The following RBM6 variants were observed in gnomAD, a reference collection of about 807,000 sequenced individuals.
The protein encoded by RBM6 is RNA-binding protein 6.
A neutral mutation model predicts 140.4 loss-of-function variants in RBM6; 23 were observed. That is an observed-to-expected ratio of 0.16 (90% CI 0.12 to 0.23). The LOEUF is 0.23. Ranked by LOEUF, RBM6 falls within the 10% of genes least tolerant of loss-of-function variation. The pLI, the probability that RBM6 is intolerant of heterozygous loss-of-function variation, is 1.00. For missense variants in RBM6, 1,139 were observed against 1,386.7 expected (o/e 0.82, Z 2.84); for synonymous variants, 439 against 475.6 (o/e 0.92, Z 1.00).
At chr3:49,998,147 TTTATTG>T in intron 5 of RBM6, among the ~76,000 whole-genome samples, 1 of 152,190 alleles carries the variant, frequency 6.6e-6, no homozygotes, top group East Asian at 1.9e-4. Flanking sequence ...AAAATCAAAG[TTTATTG>T]TTATTAGTAA....
At chr3:50,066,213 G>T in intron 16 of RBM6, 29 bp from the exon 17 acceptor site, 1 of 1,576,208 alleles carries the variant, frequency 6.3e-7, no homozygotes, top group Non-Finnish European at 8.6e-7. Flanking sequence ...GGTTGAATTT[G>T]GTATTGATCC....
At chr3:49,960,710 C>T (rs1422540146) in intron 1 of RBM6, among the ~76,000 whole-genome samples, 1 of 152,110 alleles carries the variant, frequency 6.6e-6, no homozygotes, top group Non-Finnish European at 1.5e-5. Flanking sequence ...AAAGCAATGA[C>T]TGTGGTGAGG....
intron 2 of RBM6, chr3:49,962,900 A>AT (rs749211567): frequency 3.3e-5 from 13 of 393,132 alleles, no homozygotes; most frequent in African/African-American, 2.8e-4. Flanking sequence ...GATCGAGACC[A>AT]TCCTGGCTAT....
intron 5 of RBM6, among the ~76,000 whole-genome samples, chr3:49,990,432 A>G (rs574684221): frequency 1.3e-5 from 2 of 152,362 alleles, no homozygotes; most frequent in South Asian, 4.1e-4. Flanking sequence ...GGAATTTTTC[A>G]GTGCCATTAT....
intron 6 of RBM6, among the ~76,000 whole-genome samples, chr3:50,036,174 C>T (rs1358661741): frequency 6.6e-6 from 1 of 152,220 alleles, no homozygotes; most frequent in Non-Finnish European, 1.5e-5. Context: ...GGATTACAGG[C>T]ATGAGCCACT....
intron 18 of RBM6, among the ~76,000 whole-genome samples, chr3:50,069,507 C>A (rs79410552): frequency 2.7e-3 from 286 of 107,226 alleles, no homozygotes; most frequent in Admixed American, 3.5e-3. Context: ...GACCTTGTCT[C>A]AAAAAAAAAA....
chr3:49,949,760 G>A (rs1333667188), intron 1 of RBM6, among the ~76,000 whole-genome samples: 1 of 151,988 alleles, frequency 6.6e-6, no homozygotes, highest in African/African-American at 2.4e-5. Context: ...TGATCCGCCC[G>A]CCTCCCAAAG....
chr3:50,029,717 A>G (rs1424814368), intron 6 of RBM6, among the ~76,000 whole-genome samples: 1 of 152,166 alleles, frequency 6.6e-6, no homozygotes, highest in Non-Finnish European at 1.5e-5. Flanking sequence ...AGGGCGACAG[A>G]GCGAGACTCT....
chr3:50,075,467 T>A, intron 20 of RBM6, 137 bp downstream of exon 20: 3 of 1,202,384 alleles, frequency 2.5e-6, no homozygotes, highest in Non-Finnish European at 1.2e-6. Context: ...AGTTGAACAC[T>A]TTAGCCTTGA....
rs751521089 is a variant in RBM6 at position 49,999,553 on chromosome 3, A to AT, written c.1557+47dup. The AT allele has an allele frequency of 3.4e-6, 5 of 1,475,510 alleles. No individual in the cohort carries two copies. The South Asian group carries it at 3.4e-5, about 10-fold the overall frequency. 91.4% of individuals were successfully genotyped at this position (1,475,510 alleles called of 1,614,324 possible). A position where few individuals can be genotyped will look rare whatever the true frequency, so the allele number is the denominator to read the frequency against. ...CGGTCAAATGATGCTGGAAGGATATATTTTTTTATATATGGGGAGGGAGGG... is the reference window on the plus strand; with the variant it reads ...CGGTCAAATGATGCTGGAAGGATATATTTTTTTTATATATGGGGAGGGAGGG... On this transcript the variant is annotated intron_variant, in intron 6 of 20. Coordinates refer to ENST00000266022, the MANE Select transcript of RBM6 (RefSeq NM_005777.3).
intron 6 of RBM6, among the ~76,000 whole-genome samples, chr3:50,021,832 A>G (rs1408630448): frequency 8.0e-6 from 1 of 124,866 alleles, no homozygotes; most frequent in Non-Finnish European, 1.6e-5. Context: ...GGCTCACTGC[A>G]ACCTCTCTAC....
At chr3:50,022,387 A>G (rs2087540237) in intron 6 of RBM6, among the ~76,000 whole-genome samples, 1 of 151,572 alleles carries the variant, frequency 6.6e-6, no homozygotes, top group Admixed American at 6.6e-5. Flanking sequence ...CTAGAGTGCA[A>G]TGGTGCGATC....
In RBM6 at chr3:49,944,992, T is replaced by A. The variant is rs1056545979; in HGVS notation, c.-67+4767T>A. ...CCTGGGTTCTTGCCATTCTCCTGCC[T>A]CAGCCTCCCGAGTAGCTGGGACTAC... is the stretch of plus-strand genomic sequence containing the variant. On this transcript the variant is annotated intron_variant, in intron 1 of 20. Coordinates refer to ENST00000266022, the MANE Select transcript of RBM6 (RefSeq NM_005777.3). Among the ~76,000 whole-genome samples, 7 of 151,838 alleles carry A rather than the reference T, an allele frequency of 4.6e-5. No homozygotes were observed. The South Asian group carries it at 1.5e-3, about 32-fold the overall frequency.
chr3:50,064,006 T>G (rs925518680), intron 15 of RBM6, among the ~76,000 whole-genome samples: 1 of 151,684 alleles, frequency 6.6e-6, no homozygotes, highest in Non-Finnish European at 1.5e-5. Flanking sequence ...CTATCTCGGC[T>G]CACTGCAACC....
intron 5 of RBM6, among the ~76,000 whole-genome samples, chr3:49,982,551 C>T (rs1302571503): frequency 1.3e-5 from 2 of 151,268 alleles, no homozygotes; most frequent in Admixed American, 6.6e-5. Flanking sequence ...AGTAGCTGGG[C>T]TTACAGGCAC....
In RBM6 at chr3:49,989,799, T is replaced by G. The variant is rs149839920; in HGVS notation, c.1484-9641T>G. ...CCCACTGTCACCCAGGCTGGAGTGG[T>G]GCAGTGGCATCATCTCGATTCACTG... On this transcript the variant is annotated intron_variant, in intron 5 of 20. Transcript: ENST00000266022. 1.5e-3 allele frequency among the ~76,000 whole-genome samples: 234 copies of G among 152,208 alleles called. 2 individuals are homozygous for G. The East Asian group carries it at 0.045, about 29-fold the overall frequency.
intron 5 of RBM6, among the ~76,000 whole-genome samples, chr3:49,983,775 A>G (rs1380730204): frequency 1.3e-5 from 2 of 152,148 alleles, no homozygotes; most frequent in East Asian, 3.8e-4. Context: ...TAGTTTCCTT[A>G]AGGTGGCTGA....
intron 6 of RBM6, among the ~76,000 whole-genome samples, chr3:50,039,495 C>A (rs909363087): frequency 8.0e-6 from 1 of 125,488 alleles, no homozygotes; most frequent in Non-Finnish European, 1.7e-5. Flanking sequence ...CCCCCCCCCC[C>A]CACCCTTGGT....
At chr3:50,070,904 G>A (rs2090280239) in intron 19 of RBM6, among the ~76,000 whole-genome samples, 1 of 152,222 alleles carries the variant, frequency 6.6e-6, no homozygotes, top group South Asian at 2.1e-4. Flanking sequence ...ACACATAGGT[G>A]CTAAATAAAT....
Sources: allele counts gnomAD v4.1 joint callset (sites outside exome capture counted in the v4.1 genomes callset), GRCh38; gene constraint gnomAD v4.1.1; transcripts MANE v1.5; gene names NCBI Gene and HGNC (gene_info 2026-07-23, HGNC 2026-07-21).